Variants in GLMN observed in about 807,000 individuals in gnomAD.
GLMN encodes the protein glomulin, FKBP associated protein, also known as glomulin.
A neutral mutation model predicts 87.8 loss-of-function variants in GLMN; 75 were observed. The ratio of observed to expected loss-of-function variants is 0.85; its 90% CI spans 0.71 to 1.04. GLMN has a LOEUF of 1.04. Among genes scored for constraint, GLMN ranks in the 50% least tolerant of loss-of-function variants. The pLI is 0.00. For missense variants in GLMN, 588 were observed against 658.8 expected (o/e 0.89, Z 1.18); for synonymous variants, 206 against 221.6 (o/e 0.93, Z 0.63).
chr1:92,356,585 A>ATTGTTTTTT, the GLMN span, among the ~76,000 whole-genome samples: 3 of 51,786 alleles, frequency 5.8e-5, no homozygotes, highest in Non-Finnish European at 9.5e-5. Context: ...CTCCTGGCTA[A>ATTGTTTTTT]TTTTTTTTTT....
intron 16 of GLMN, among the ~76,000 whole-genome samples, chr1:92,259,808 C>T (rs1469108636): frequency 7.2e-6 from 1 of 139,476 alleles, no homozygotes; most frequent in Non-Finnish European, 1.5e-5. Flanking sequence ...GATCTCGGCT[C>T]ACTGCAAGCT....
chr1:92,304,681 G>A, the GLMN span, among the ~76,000 whole-genome samples: 9 of 152,120 alleles, frequency 5.9e-5, no homozygotes, highest in East Asian at 1.9e-4. Flanking sequence ...ATATGACAGC[G>A]GGAGTATTGT....
rs1655202834 is a variant in GLMN, at chr1:92,262,877, C to A, written c.1459G>T (p.Glu487Ter). Reference protein sequence around the residue: ...LLRYLVIKDNENDNQTGLWTE... With the variant: ...LLRYLVIKDN ...ACTTCACTTACTTGATTGTCATTTT[C>A]ATTATCTTTGATAACCAAATACCTC... Residue 487 changes from glutamate to a stop codon, truncating the protein, a stop_gained, in exon 16 of 19, where the codon GAA (glutamate) becomes TAA (stop). Transcript: ENST00000370360. LOFTEE classifies it high-confidence loss of function. 3 of 1,151,090 alleles carry A rather than the reference C, an allele frequency of 2.6e-6. No individual in the cohort carries two copies. In the African/African-American group the frequency reaches 4.5e-5, roughly 17 times the overall value. The allele number at this position is 1,151,090 out of a possible 1,614,324, so 71.3% of individuals were successfully genotyped here. A position where few individuals can be genotyped will look rare whatever the true frequency, so the allele number is the denominator to read the frequency against.
chr1:92,353,647 T>C, the GLMN span, among the ~76,000 whole-genome samples: 2 of 152,192 alleles, frequency 1.3e-5, no homozygotes, highest in Admixed American at 1.3e-4. Flanking sequence ...CTTATATACA[T>C]CTTGAATTTG....
Position 92,246,407 on chromosome 1 carries a change from G to C in GLMN, c.*123C>G, listed in dbSNP as rs1652671718. ...TGTATCATTATAGAAATTGATAAAT[G>C]AGAAAAGCTACATTTATTTTTCAAG... On this transcript the variant is annotated 3_prime_UTR_variant, in exon 19 of 19. Transcript: ENST00000370360. 1.6e-6 allele frequency: 1 copy of C among 626,856 alleles called. No individual in the cohort carries two copies. The highest frequency in any genetic ancestry group is 1.9e-5 in the African/African-American group (1 of 53,944). 38.8% of individuals were successfully genotyped at this position (626,856 alleles called of 1,614,324 possible).
At chr1:92,357,893 A>G in the GLMN span, among the ~76,000 whole-genome samples, 1 of 152,102 alleles carries the variant, frequency 6.6e-6, no homozygotes, top group African/African-American at 2.4e-5. Context: ...AGTCATTTAA[A>G]TTTTTTGTTT....
In GLMN at chr1:92,271,368, A is replaced by G. The variant is rs1570908971; in HGVS notation, c.923+97T>C. On this transcript the variant is annotated intron_variant, in intron 8 of 18. Coordinates refer to ENST00000370360, the MANE Select transcript of GLMN (RefSeq NM_053274.3). ...AGCCTTTACTATTTATTTAAAATGT[A>G]TTAGTGTGTTAATATGCATATATTG... The G allele has an allele frequency of 1.5e-5, 13 of 865,934 alleles. No homozygotes were observed. In the East Asian group the frequency reaches 3.2e-4, roughly 21 times the overall value. The allele number at this position is 865,934 out of a possible 1,614,324, so 53.6% of individuals were successfully genotyped here.
At chr1:92,361,091 T>A in the GLMN span, among the ~76,000 whole-genome samples, 138 of 129,698 alleles carry the variant, frequency 1.1e-3, no homozygotes, top group African/African-American at 3.7e-3. Context: ...TATATATATA[T>A]AATATATATA....
At chr1:92,366,733 T>G in the GLMN span, among the ~76,000 whole-genome samples, 1 of 152,218 alleles carries the variant, frequency 6.6e-6, no homozygotes, top group Non-Finnish European at 1.5e-5. Context: ...CAGATAAAAT[T>G]CCTTTTGAAA....
chr1:92,284,223 C>T (rs1388718227), intron 7 of GLMN, among the ~76,000 whole-genome samples: 1 of 152,176 alleles, frequency 6.6e-6, no homozygotes, highest in African/African-American at 2.4e-5. Context: ...TCAAACTATA[C>T]TACAAGGACA....
At chr1:92,339,821 T>C in the GLMN span, among the ~76,000 whole-genome samples, 4 of 152,184 alleles carry the variant, frequency 2.6e-5, no homozygotes, top group African/African-American at 9.6e-5. Context: ...TAAACTATTA[T>C]GACTTTTTTC....
the GLMN span, chr1:92,307,331 C>G: frequency 4.0e-6 from 5 of 1,265,358 alleles, no homozygotes; most frequent in Non-Finnish European, 5.5e-6. Context: ...TAATTTGTTT[C>G]TGCTTTTTGA....
In GLMN at chr1:92,298,979, C is replaced by A. The variant is rs886046549; in HGVS notation, c.-85G>T. 8.8e-6 allele frequency: 5 copies of A among 566,102 alleles called. No homozygotes were observed. The highest frequency in any genetic ancestry group is 5.0e-4 in the Middle Eastern group (1 of 2,020). 35.1% of individuals were successfully genotyped at this position (566,102 alleles called of 1,614,324 possible). A position where few individuals can be genotyped will look rare whatever the true frequency, so the allele number is the denominator to read the frequency against. Reference sequence around the variant, plus strand: ...CGCCACCTCCTCCGGCGTCTTAGCCCGCTCTTCTGGCCCCGCCCCGCGCTA... The same window carrying A: ...CGCCACCTCCTCCGGCGTCTTAGCCAGCTCTTCTGGCCCCGCCCCGCGCTA... On this transcript the variant is annotated 5_prime_UTR_variant, in exon 1 of 19. Transcript: ENST00000370360.
At chr1:92,304,008 A>ATGTCGTGGATGAACGT in the GLMN span, 1 of 1,612,840 alleles carries the variant, frequency 6.2e-7, no homozygotes, top group Admixed American at 1.7e-5. Context: ...CACTACAGTG[A>ATGTCGTGGATGAACGT]TGTCGTGGAT....
the GLMN span, among the ~76,000 whole-genome samples, chr1:92,355,013 C>G: frequency 1.3e-5 from 2 of 151,756 alleles, no homozygotes; most frequent in Non-Finnish European, 2.9e-5. Context: ...ATCGTCCCAC[C>G]TCAACCTCCC....
the GLMN span, chr1:92,333,353 TATG>T: frequency 1.3e-6 from 2 of 1,490,294 alleles, no homozygotes; most frequent in Non-Finnish European, 1.9e-6. Context: ...AATGTAAACT[TATG>T]ATTCTGTTTT....
At chr1:92,280,078 T>C (rs960575586) in intron 7 of GLMN, among the ~76,000 whole-genome samples, 7 of 152,198 alleles carry the variant, frequency 4.6e-5, no homozygotes, top group African/African-American at 1.4e-4. Flanking sequence ...GACTTAAACA[T>C]CCCTGTCTGA....
chr1:92,367,675 G>A, the GLMN span, among the ~76,000 whole-genome samples: 4 of 152,166 alleles, frequency 2.6e-5, no homozygotes, highest in Admixed American at 6.5e-5. Flanking sequence ...AAATCTGATA[G>A]GTACAGAAAA....
chr1:92,316,624 A>C, the GLMN span, among the ~76,000 whole-genome samples: 1 of 152,204 alleles, frequency 6.6e-6, no homozygotes, highest in African/African-American at 2.4e-5. Context: ...TTTAACTAGG[A>C]TGGTTACATA....
Sources: allele counts gnomAD v4.1 joint callset (sites outside exome capture counted in the v4.1 genomes callset), GRCh38; gene constraint gnomAD v4.1.1; transcripts MANE v1.5; gene names NCBI Gene and HGNC (gene_info 2026-07-23, HGNC 2026-07-21).